Variants in SLC22A4 observed in about 807,000 individuals in gnomAD.
SLC22A4 encodes the protein solute carrier family 22 member 4.
A neutral mutation model predicts 56.6 loss-of-function variants in SLC22A4; 39 were observed. The ratio of observed to expected loss-of-function variants is 0.69; its 90% CI spans 0.53 to 0.90. The LOEUF is 0.90. Ranked by LOEUF, SLC22A4 falls within the 40% of genes least tolerant of loss-of-function variation. The pLI, the probability that SLC22A4 is intolerant of heterozygous loss-of-function variation, is 0.00. For missense variants in SLC22A4, 594 were observed against 696.5 expected, an observed-to-expected ratio of 0.85 and a Z score of 1.66; for synonymous variants, 241 against 281.4, an observed-to-expected ratio of 0.86 and a Z score of 1.44.
chr5:132,305,527 G>C (rs1750007009), intron 1 of SLC22A4, among the ~76,000 whole-genome samples: 1 of 152,060 alleles, frequency 6.6e-6, no homozygotes, highest in Admixed American at 6.5e-5. Flanking sequence ...CAAAAACGAA[G>C]GGAAAATTTT....
chr5:132,322,884 C>T (rs1750584695), intron 4 of SLC22A4, among the ~76,000 whole-genome samples: 1 of 152,176 alleles, frequency 6.6e-6, no homozygotes, highest in African/African-American at 2.4e-5. Flanking sequence ...TCTCTCCTCC[C>T]ACAACCTCCC....
intron 4 of SLC22A4, 123 bp from the exon 5 acceptor site, chr5:132,327,154 G>C: frequency 1.4e-6 from 1 of 718,852 alleles, no homozygotes; most frequent in Non-Finnish European, 2.3e-6. Context: ...ATCTTATGTG[G>C]ACTCCCTTTA....
intron 5 of SLC22A4, among the ~76,000 whole-genome samples, chr5:132,330,919 C>A (rs1706726047): frequency 6.6e-6 from 1 of 152,148 alleles, no homozygotes; most frequent in South Asian, 2.1e-4. Context: ...TATATGATCT[C>A]ATTTAATCTC....
intron 8 of SLC22A4, among the ~76,000 whole-genome samples, chr5:132,339,951 G>A (rs566996032): frequency 5.3e-4 from 81 of 151,868 alleles, no homozygotes; most frequent in African/African-American, 1.9e-3. Flanking sequence ...ATTAACCCAA[G>A]ACATGTAAGT....
In SLC22A4 at chr5:132,340,662, T is replaced by G; in HGVS notation, c.1542T>G (p.Thr514=). The stretch of plus-strand genomic sequence containing the variant: ...TTTTCCCTGAAAGTTTGGGAATGAC[T>G]CTTCCAGAAACCTTAGAGCAGATGC... ...TLFFPESLGM[T]LPETLEQMQK... The change falls in exon 9 of 10, where the codon ACT becomes ACG. Residue 514 remains threonine, a synonymous_variant. Transcript: ENST00000200652. 1 of 1,614,084 alleles carries G rather than the reference T, an allele frequency of 6.2e-7. No homozygotes were observed. Among genetic ancestry groups the G allele is most frequent in the Non-Finnish European group, 8.5e-7 (1 of 1,179,944 alleles).
rs370947767 is a variant in SLC22A4, at chr5:132,335,903, T to C, written c.1347T>C (p.Ala449=). The change falls in exon 8 of 10, where the codon GCT becomes GCC. Residue 449 remains alanine (A), a synonymous_variant. Coordinates refer to ENST00000200652, the MANE Select transcript of SLC22A4 (RefSeq NM_003059.3). ...SAFSMLYVFT[A]ELYPTLVRNM... ...TCTCCATGCTGTATGTCTTCACTGC[T>C]GAGCTCTACCCAACCCTGGTCAGGA... The C allele has an allele frequency of 2.7e-5, 44 of 1,614,074 alleles. No individual in the cohort carries two copies. Among genetic ancestry groups the C allele is most frequent in the Non-Finnish European group, 3.7e-5 (44 of 1,180,028 alleles).
chr5:132,299,733 C>CT (rs1014627467), intron 1 of SLC22A4, among the ~76,000 whole-genome samples: 55 of 152,240 alleles, frequency 3.6e-4, no homozygotes, highest in African/African-American at 1.3e-3. Context: ...GGATTACAGG[C>CT]GTGAGCCACC....
intron 1 of SLC22A4, among the ~76,000 whole-genome samples, chr5:132,306,203 G>A (rs988245802): frequency 3.3e-5 from 5 of 151,334 alleles, no homozygotes; most frequent in Admixed American, 6.6e-5. Flanking sequence ...TATACTTACC[G>A]TATGACCCAA....
intron 5 of SLC22A4, among the ~76,000 whole-genome samples, chr5:132,331,466 G>C (rs776665769): frequency 6.6e-6 from 1 of 152,190 alleles, no homozygotes; most frequent in Non-Finnish European, 1.5e-5. Context: ...TCCATTCTCT[G>C]ACTGTCAGTC....
At position 132,326,591 on chromosome 5, in the gene SLC22A4, A is replaced by T. The variant is rs551763805; in HGVS notation, c.825-686A>T. On this transcript the variant is annotated intron_variant, in intron 4 of 9. Transcript: ENST00000200652. ...AAAATTTAGAAAGAATAGAAGCCCT[A>T]TTATTTGCAACTGTGTTTGAGCATC... Among the ~76,000 whole-genome samples, 143 of 152,378 alleles carry T rather than the reference A, an allele frequency of 9.4e-4. 1 individual carries two copies. Among genetic ancestry groups the T allele is most frequent in the Non-Finnish European group, 4.0e-4 (27 of 68,036 alleles).
chr5:132,313,447 G>A (rs1750241001), intron 2 of SLC22A4, among the ~76,000 whole-genome samples, 167 bp from the exon 3 acceptor site: 1 of 152,176 alleles, frequency 6.6e-6, no homozygotes, highest in Non-Finnish European at 1.5e-5. Flanking sequence ...CTGAGCAGAT[G>A]GATGCCTGAG....
intron 2 of SLC22A4, 42 bp downstream of exon 2, chr5:132,312,306 G>A: frequency 8.6e-7 from 1 of 1,159,894 alleles, no homozygotes; most frequent in Non-Finnish European, 1.3e-6. Context: ...GGTGCCCCTT[G>A]TCAATCACTG....
intron 1 of SLC22A4, among the ~76,000 whole-genome samples, chr5:132,298,995 T>G (rs79173796): frequency 0.043 from 6,600 of 152,304 alleles, 397 homozygotes; most frequent in African/African-American, 0.13. Flanking sequence ...AGTGCCAGTG[T>G]ACAGGGCCAA....
chr5:132,328,518 A>C (rs181487094), intron 5 of SLC22A4, among the ~76,000 whole-genome samples: 18 of 152,252 alleles, frequency 1.2e-4, no homozygotes, highest in African/African-American at 4.3e-4. Context: ...AACATCCCTT[A>C]ATCCTTTGCC....
At position 132,340,640 on chromosome 5, in the gene SLC22A4, TC is replaced by T; in HGVS notation, c.1523del (p.Pro508LeufsTer6). ...CTGATTGGAATCCTCACCCTTTTTT[TC>T]CCTGAAAGTTTGGGAATGACTCTTC... is the stretch of plus-strand genomic sequence containing the variant. ...TVLIGILTLF[F>X]PESLGMTLPE... On this transcript the variant is annotated frameshift_variant, in exon 9 of 10. Transcript: ENST00000200652. LOFTEE classifies it high-confidence loss of function. 6.2e-7 allele frequency: 1 copy of T among 1,613,954 alleles called. No homozygotes were observed. The highest frequency in any genetic ancestry group is 1.1e-5 in the South Asian group (1 of 91,088).
intron 8 of SLC22A4, among the ~76,000 whole-genome samples, chr5:132,336,301 A>C (rs1037856176): frequency 3.3e-5 from 5 of 152,166 alleles, no homozygotes; most frequent in Non-Finnish European, 5.9e-5. Context: ...AGGTAGGTGG[A>C]TCACCTGAGG....
intron 4 of SLC22A4, chr5:132,324,428 G>A (rs1219390362): frequency 2.2e-6 from 1 of 463,066 alleles, no homozygotes; most frequent in Non-Finnish European, 4.5e-6. Context: ...TGCTCACTGT[G>A]CCCTAAGGAG....
chr5:132,305,836 A>G (rs1233226475), intron 1 of SLC22A4, among the ~76,000 whole-genome samples: 3 of 152,246 alleles, frequency 2.0e-5, no homozygotes, highest in Non-Finnish European at 4.4e-5. Context: ...TGCAAAATGT[A>G]TACTTTAAAA....
chr5:132,315,690 T>G (rs1253817574), intron 3 of SLC22A4, among the ~76,000 whole-genome samples: 1 of 152,154 alleles, frequency 6.6e-6, no homozygotes, highest in African/African-American at 2.4e-5. Flanking sequence ...AGTCAGTAGG[T>G]AAGACCCTGG....
Sources: gnomAD v4.1 joint callset for allele counts (sites outside exome capture counted in the v4.1 genomes callset) on GRCh38, gnomAD v4.1.1 for gene constraint, MANE v1.5 for transcripts, NCBI Gene and HGNC (gene_info 2026-07-23, HGNC 2026-07-21) for gene names.